FBXL7: variants seen among roughly 807,000 people sequenced by gnomAD.
FBXL7 encodes F-box and leucine rich repeat protein 7.
In FBXL7, 12 loss-of-function variants were observed where a neutral mutation model predicts 38.3. That is an observed-to-expected ratio of 0.31 (90% CI 0.20 to 0.51). FBXL7 has a LOEUF of 0.51. FBXL7 is among the 20% of genes least tolerant of loss of function. The probability of loss-of-function intolerance (pLI) is 0.98; values close to 1 mark genes in which losing one functional copy is unlikely to be tolerated. For synonymous variants in FBXL7, 297 were observed against 300.9 expected, an observed-to-expected ratio of 0.99 and a Z score of 0.13; for missense variants, 567 against 676.4, an observed-to-expected ratio of 0.84 and a Z score of 1.79.
chr5:15,773,579 T>C (rs191501027), intron 2 of FBXL7, among the ~76,000 whole-genome samples: 70 of 152,116 alleles, frequency 4.6e-4, no homozygotes, highest in South Asian at 3.3e-3. Context: ...AGCCCAGAAG[T>C]TTGAGGCTAC....
chr5:15,561,977 G>A (rs1580372134), intron 1 of FBXL7, among the ~76,000 whole-genome samples: 1 of 152,036 alleles, frequency 6.6e-6, no homozygotes, highest in South Asian at 2.1e-4. Flanking sequence ...ATAAATCCAA[G>A]CCTAACCAGT....
At chr5:15,686,775 T>G (rs1194116745) in intron 2 of FBXL7, among the ~76,000 whole-genome samples, 1 of 152,226 alleles carries the variant, frequency 6.6e-6, no homozygotes, top group African/African-American at 2.4e-5. Flanking sequence ...CTTGAAAATA[T>G]AACTTTTTGG....
intron 2 of FBXL7, among the ~76,000 whole-genome samples, chr5:15,892,776 A>C (rs546397103): frequency 1.3e-5 from 2 of 152,296 alleles, no homozygotes; most frequent in East Asian, 3.9e-4. Flanking sequence ...TCATTTTTAT[A>C]ACAATGCTGT....
intron 2 of FBXL7, among the ~76,000 whole-genome samples, chr5:15,675,558 G>C (rs1397841345): frequency 6.6e-6 from 1 of 152,192 alleles, no homozygotes; most frequent in Non-Finnish European, 1.5e-5. Context: ...ATTTTGCATG[G>C]ATTGGGAAGA....
chr5:15,797,660 T>C (rs1737452220), intron 2 of FBXL7, among the ~76,000 whole-genome samples: 1 of 152,234 alleles, frequency 6.6e-6, no homozygotes, highest in Non-Finnish European at 1.5e-5. Context: ...TGTGGGAATG[T>C]ATGTTGCTCA....
intron 2 of FBXL7, among the ~76,000 whole-genome samples, chr5:15,833,773 C>T: frequency 6.6e-6 from 1 of 152,190 alleles, no homozygotes; most frequent in Admixed American, 6.5e-5. Flanking sequence ...GGAATATCAC[C>T]TTCAGTCCAT....
chr5:15,866,264 C>G (rs7726523), intron 2 of FBXL7, among the ~76,000 whole-genome samples: 47,690 of 152,020 alleles, frequency 0.31, 8,054 homozygotes, highest in Admixed American at 0.44. Flanking sequence ...AGCCTTGCAA[C>G]TGTGGAATTA....
chr5:15,533,212 G>C (rs766151922), intron 1 of FBXL7, among the ~76,000 whole-genome samples: 18 of 152,192 alleles, frequency 1.2e-4, no homozygotes, highest in Non-Finnish European at 2.6e-4. Flanking sequence ...GAATCACACT[G>C]TGTGTCTAAT....
intron 2 of FBXL7, among the ~76,000 whole-genome samples, chr5:15,762,191 T>C (rs1352732402): frequency 6.6e-6 from 1 of 152,236 alleles, no homozygotes; most frequent in African/African-American, 2.4e-5. Context: ...GCTGAAGTTC[T>C]TCTCTGTTGG....
At chr5:15,886,478 C>A (rs974384943) in intron 2 of FBXL7, among the ~76,000 whole-genome samples, 4 of 152,156 alleles carry the variant, frequency 2.6e-5, no homozygotes, top group African/African-American at 9.7e-5. Context: ...AAAGCATTTC[C>A]TTTCTCAGAA....
At chr5:15,640,932 C>A (rs1741347779) in intron 2 of FBXL7, among the ~76,000 whole-genome samples, 1 of 152,184 alleles carries the variant, frequency 6.6e-6, no homozygotes, top group Non-Finnish European at 1.5e-5. Context: ...ACCTGCATCA[C>A]CAGGGTAAGA....
At chr5:15,832,929 G>C (rs1207440793) in intron 2 of FBXL7, among the ~76,000 whole-genome samples, 1 of 152,018 alleles carries the variant, frequency 6.6e-6, no homozygotes, top group African/African-American at 2.4e-5. Context: ...ATAGGGGCGG[G>C]TCTTTCCCAT....
At chr5:15,912,367 C>T (rs1213627321) in intron 2 of FBXL7, among the ~76,000 whole-genome samples, 6 of 137,792 alleles carry the variant, frequency 4.4e-5, no homozygotes, top group Admixed American at 1.5e-4. Flanking sequence ...GAGGCAATGC[C>T]TCGCCCTGCT....
chr5:15,810,282 C>T (rs565837375), intron 2 of FBXL7, among the ~76,000 whole-genome samples: 13 of 151,924 alleles, frequency 8.6e-5, no homozygotes, highest in African/African-American at 2.2e-4. Context: ...AGTATATGAG[C>T]GGGCACAGTG....
intron 2 of FBXL7, among the ~76,000 whole-genome samples, chr5:15,779,059 A>G (rs1320424065): frequency 6.6e-6 from 1 of 152,130 alleles, no homozygotes; most frequent in Non-Finnish European, 1.5e-5. Context: ...GATGACATAT[A>G]CGCTTAGGAT....
chr5:15,884,437 T>C (rs963232135), intron 2 of FBXL7, among the ~76,000 whole-genome samples: 1 of 151,994 alleles, frequency 6.6e-6, no homozygotes, highest in Non-Finnish European at 1.5e-5. Context: ...CGGCTAATTT[T>C]TTGTATTTTT....
At chr5:15,850,216 C>G (rs1469433843) in intron 2 of FBXL7, among the ~76,000 whole-genome samples, 1 of 152,176 alleles carries the variant, frequency 6.6e-6, no homozygotes, top group Non-Finnish European at 1.5e-5. Context: ...TTAAGGCAAT[C>G]CAAGCAACAA....
intron 1 of FBXL7, among the ~76,000 whole-genome samples, chr5:15,540,246 A>G (rs1737705602): frequency 6.6e-6 from 1 of 152,156 alleles, no homozygotes; most frequent in South Asian, 2.1e-4. Flanking sequence ...CTTTTGTAGT[A>G]CAATTTGGTA....
intron 2 of FBXL7, among the ~76,000 whole-genome samples, chr5:15,759,588 C>T (rs986742813): frequency 6.6e-6 from 1 of 151,970 alleles, no homozygotes; most frequent in African/African-American, 2.4e-5. Context: ...CGGACTCGGT[C>T]GTGTATATTC....
Sources: allele counts gnomAD v4.1 joint callset (sites outside exome capture counted in the v4.1 genomes callset), GRCh38; gene constraint gnomAD v4.1.1; transcripts MANE v1.5; gene names NCBI Gene and HGNC (gene_info 2026-07-23, HGNC 2026-07-21).